ASAH2: variants seen among roughly 807,000 people sequenced by gnomAD.
The protein encoded by ASAH2 is neutral ceramidase.
Under a neutral mutation model 82.9 loss-of-function variants are expected in ASAH2, and 58 were observed. The observed-to-expected ratio is 0.70, with a 90% CI of 0.57 to 0.87. The LOEUF is 0.87. Among genes scored for constraint, ASAH2 ranks in the 40% least tolerant of loss-of-function variants. The pLI is 0.00. For synonymous variants in ASAH2, 276 were observed against 289.7 expected (o/e 0.95, Z 0.48); for missense variants, 779 against 834.0 (o/e 0.93, Z 0.81).
intron 4 of ASAH2, among the ~76,000 whole-genome samples, chr10:50,238,221 A>G (rs1036168143): frequency 5.9e-5 from 9 of 152,264 alleles, no homozygotes; most frequent in African/African-American, 1.2e-4. Context: ...GTTCCAGCTC[A>G]CTGCTGGTAA....
rs1845434143 is a variant in ASAH2 at position 50,210,843 on chromosome 10, C to CGTGTA, written c.1393_1394insTACAC (p.Gly465ValfsTer72). Reference sequence around the variant, plus strand: ...CTTACCCTGTGTAAAATTGAGGCCTCCAACTCCATCAATAGTGCCAGCTGC... The same window carrying CGTGTA: ...CTTACCCTGTGTAAAATTGAGGCCTCGTGTACAACTCCATCAATAGTGCCAGCTGC... On this transcript the variant is annotated frameshift_variant, in exon 12 of 21. Coordinates refer to ENST00000682911, the MANE Select transcript of ASAH2 (RefSeq NM_019893.4). LOFTEE classifies it high-confidence loss of function. 6.2e-7 allele frequency: 1 copy of CGTGTA among 1,613,342 alleles called. No individual in the cohort carries two copies. Among genetic ancestry groups the CGTGTA allele is most frequent in the Non-Finnish European group, 8.5e-7 (1 of 1,179,340 alleles).
At chr10:50,207,160 T>TTACC (rs1272153315) in intron 12 of ASAH2, among the ~76,000 whole-genome samples, 1 of 151,844 alleles carries the variant, frequency 6.6e-6, no homozygotes, top group East Asian at 1.9e-4. Context: ...TCAAAACTTA[T>TTACC]GGTATGCAGT....
intron 17 of ASAH2, 60 bp downstream of exon 17, chr10:50,198,990 AT>A (rs1845065528): frequency 6.6e-7 from 1 of 1,525,546 alleles, no homozygotes; most frequent in African/African-American, 1.6e-5. Flanking sequence ...ACATACAGAC[AT>A]ACACACACAC....
intron 7 of ASAH2, among the ~76,000 whole-genome samples, chr10:50,230,620 A>G (rs1845998044): frequency 6.6e-6 from 1 of 152,202 alleles, no homozygotes; most frequent in South Asian, 2.1e-4. Context: ...ACAGATGGAA[A>G]AGCTTTGCTA....
chr10:50,234,413 A>G lies in ASAH2; in HGVS notation c.815+12T>C. ...GGAATGAAACGATTTCATTTTGACG[A>G]TTCCTCCTCACCTTGCTCTCTCTGA... On this transcript the variant is annotated intron_variant, in intron 6 of 20. Transcript: ENST00000682911. 1 of 1,612,888 alleles carries G rather than the reference A, an allele frequency of 6.2e-7. No individual in the cohort carries two copies.
chr10:50,207,598 A>T (rs1845335947), intron 12 of ASAH2, among the ~76,000 whole-genome samples: 1 of 150,654 alleles, frequency 6.6e-6, no homozygotes, highest in African/African-American at 2.4e-5. Context: ...AGAAAGACAA[A>T]CTACCAAAAT....
intron 5 of ASAH2, 100 bp downstream of exon 5, chr10:50,235,788 G>T: frequency 2.2e-6 from 3 of 1,357,596 alleles, no homozygotes; most frequent in Non-Finnish European, 3.2e-6. Context: ...ACTATGCTCA[G>T]ACCCAAATCC....
intron 13 of ASAH2, among the ~76,000 whole-genome samples, 170 bp downstream of exon 13, chr10:50,205,811 AC>A: frequency 6.6e-6 from 1 of 152,044 alleles, no homozygotes; most frequent in African/African-American, 2.4e-5. Context: ...CATTGCCATA[AC>A]CTTCATTCCT....
At chr10:50,204,709 C>A (rs1443835597) in intron 14 of ASAH2, 152 bp downstream of exon 14, 5 of 632,748 alleles carry the variant, frequency 7.9e-6, no homozygotes, top group South Asian at 6.4e-5. Context: ...GAGGCCCCAG[C>A]AAAAGAGGGT....
intron 9 of ASAH2, among the ~76,000 whole-genome samples, chr10:50,213,700 C>T (rs1845522761): frequency 1.3e-5 from 2 of 151,862 alleles, no homozygotes; most frequent in Admixed American, 6.6e-5. Context: ...CTTAAATTTC[C>T]ATAGGGGGCA....
chr10:50,223,957 C>T (rs1845813541), intron 7 of ASAH2, among the ~76,000 whole-genome samples: 1 of 152,164 alleles, frequency 6.6e-6, no homozygotes, highest in African/African-American at 2.4e-5. Flanking sequence ...AAGGAACCAA[C>T]CCTGCTAATG....
intron 7 of ASAH2, among the ~76,000 whole-genome samples, chr10:50,225,672 C>T (rs1249932542): frequency 1.3e-5 from 2 of 152,018 alleles, no homozygotes; most frequent in African/African-American, 2.4e-5. Flanking sequence ...GAGAGTAAAC[C>T]AACAAAGGGG....
At chr10:50,204,791 GA>G (rs1406950914) in intron 14 of ASAH2, 69 bp downstream of exon 14, 4 of 1,188,818 alleles carry the variant, frequency 3.4e-6, no homozygotes, top group Non-Finnish European at 4.9e-6. Context: ...ATCTTTTCAT[GA>G]TAAGAAGCAA....
rs1290017528 is a variant in ASAH2 at position 50,240,690 on chromosome 10, C to A, written c.510+2512G>T. 6.0e-6 allele frequency: 4 copies of A among 670,800 alleles called. No individual in the cohort carries two copies. In the South Asian group the frequency reaches 6.6e-5, roughly 11 times the overall value. The allele number at this position is 670,800 out of a possible 1,614,324, so 41.6% of individuals were successfully genotyped here. Reference sequence around the variant, plus strand: ...GTTCCCTCATGAAAGAGTCTACATCCCTCCTTTGTGCCTCTCTGTGTTCAT... The same window carrying A: ...GTTCCCTCATGAAAGAGTCTACATCACTCCTTTGTGCCTCTCTGTGTTCAT... On this transcript the variant is annotated intron_variant, in intron 4 of 20. Transcript: ENST00000682911.
At chr10:50,194,543 T>C (rs1444774532) in intron 18 of ASAH2, among the ~76,000 whole-genome samples, 1 of 151,084 alleles carries the variant, frequency 6.6e-6, no homozygotes. Context: ...AATACTTTTC[T>C]ACTACGATTG....
At chr10:50,212,674 G>A (rs1229964078) in intron 10 of ASAH2, among the ~76,000 whole-genome samples, 1 of 152,106 alleles carries the variant, frequency 6.6e-6, no homozygotes, top group African/African-American at 2.4e-5. Context: ...AAATCTTATA[G>A]TCTATGTTCC....
chr10:50,206,207 T>C (rs1460059682), intron 12 of ASAH2, 110 bp from the exon 13 acceptor site: 14 of 849,012 alleles, frequency 1.6e-5, no homozygotes, highest in East Asian at 2.4e-5. Context: ...AGAGATTTTA[T>C]TGAGGTTGTT....
intron 10 of ASAH2, 24 bp from the exon 11 acceptor site, chr10:50,211,158 T>C: frequency 6.4e-7 from 1 of 1,565,432 alleles, no homozygotes; most frequent in South Asian, 1.1e-5. Context: ...AGGCTTATTA[T>C]TCCAAGCAAA....
chr10:50,210,280 C>A, intron 12 of ASAH2, among the ~76,000 whole-genome samples: 1 of 152,036 alleles, frequency 6.6e-6, no homozygotes, highest in East Asian at 1.9e-4. Flanking sequence ...GCGGGCGGAT[C>A]ACTTGAGGTC....
Sources: gnomAD v4.1 joint callset for allele counts (sites outside exome capture counted in the v4.1 genomes callset) on GRCh38, gnomAD v4.1.1 for gene constraint, MANE v1.5 for transcripts, NCBI Gene and HGNC (gene_info 2026-07-23, HGNC 2026-07-21) for gene names.